Variants in GNAS-AS1 observed in about 807,000 individuals in gnomAD.
GNAS-AS1 encodes GNAS antisense RNA 1, also known as GNAS antisense RNA 1 (non-protein coding).
chr20:58,841,530 C>A lies in GNAS-AS1; in HGVS notation n.819+407G>T. The A allele has an allele frequency of 1.0e-6, 1 of 994,488 alleles. No individual in the cohort carries two copies. Among genetic ancestry groups the A allele is most frequent in the Non-Finnish European group, 1.2e-6 (1 of 836,378 alleles). The allele number at this position is 994,488 out of a possible 1,614,324, so 61.6% of individuals were successfully genotyped here. On this transcript the variant is annotated intron_variant and non_coding_transcript_variant, in intron 4 of 4. Coordinates refer to ENST00000424094, the Ensembl canonical transcript of GNAS-AS1. The surrounding 1 kb of genome is among the most constrained non-coding windows in gnomAD (Gnocchi z 5.0). ...GGGACCTCCGCGCCAGTGCCTCCAG[C>A]TGCCGTGCGCCAGCCTTGGCCGCCA...
At chr20:58,843,012 A>T (rs2085796502) in intron 2 of GNAS-AS1, among the ~76,000 whole-genome samples, 1 of 152,198 alleles carries the variant, frequency 6.6e-6, no homozygotes, top group African/African-American at 2.4e-5. Context: ...ACAGAAGCCC[A>T]ACATAGGGAT....
intron 4 of GNAS-AS1, among the ~76,000 whole-genome samples, chr20:58,830,461 CCACCA>C (rs2085554838): frequency 7.2e-6 from 1 of 139,830 alleles, no homozygotes; most frequent in East Asian, 2.2e-4. Context: ...ACCATCACCA[CCACCA>C]CACCACCATC....
chr20:58,841,989 C>A lies in GNAS-AS1; in HGVS notation n.767G>T. On this transcript the variant is annotated non_coding_transcript_exon_variant, in exon 4 of 5. Transcript: ENST00000424094. The surrounding 1 kb of genome is among the most constrained non-coding windows in gnomAD (Gnocchi z 5.0). The stretch of plus-strand genomic sequence containing the variant: ...GCAGAGCTGGGGAAAGGTGTTGGAT[C>A]CGGCGCCAGTCCTTGGACGATCAGT... 1.0e-6 allele frequency: 1 copy of A among 957,932 alleles called. No homozygotes were observed. The highest frequency in any genetic ancestry group is 1.4e-6 in the Non-Finnish European group (1 of 737,484). The allele number at this position is 957,932 out of a possible 1,614,324, so 59.3% of individuals were successfully genotyped here.
chr20:58,841,383 T>A lies in GNAS-AS1; in HGVS notation n.819+554A>T. ...AGACACCGTTGAAATGTGCGGAAAG[T>A]AATCTGAATGGGAATGGGCGAGAAC... is the stretch of plus-strand genomic sequence containing the variant. On this transcript the variant is annotated intron_variant and non_coding_transcript_variant, in intron 4 of 4. Coordinates refer to ENST00000424094, the Ensembl canonical transcript of GNAS-AS1. This position sits in a 1 kb window ranked among gnomAD's most constrained non-coding sequence, Gnocchi z 5.0. 9.9e-7 allele frequency: 1 copy of A among 1,013,264 alleles called. No individual in the cohort carries two copies. Among genetic ancestry groups the A allele is most frequent in the Non-Finnish European group, 1.2e-6 (1 of 846,754 alleles). The allele number at this position is 1,013,264 out of a possible 1,614,324, so 62.8% of individuals were successfully genotyped here.
At chr20:58,842,282 T>G (rs2085769302) in intron 3 of GNAS-AS1, 1 of 398,086 alleles carries the variant, frequency 2.5e-6, no homozygotes, top group Non-Finnish European at 4.4e-6. Flanking sequence ...AATTGATTTT[T>G]TTTTTCCTGG....
At chr20:58,821,029 C>T (rs2085483132) in intron 4 of GNAS-AS1, among the ~76,000 whole-genome samples, 1 of 152,206 alleles carries the variant, frequency 6.6e-6, no homozygotes, top group Admixed American at 6.5e-5. Context: ...ACAAGAATCC[C>T]ATCTCCTAGT....
Position 58,841,817 on chromosome 20 carries a change from C to T in GNAS-AS1, n.819+120G>A. 1 of 1,230,832 alleles carries T rather than the reference C, an allele frequency of 8.1e-7. No individual in the cohort carries two copies. The highest frequency in any genetic ancestry group is 1.5e-5 in the African/African-American group (1 of 64,546). 76.2% of individuals were successfully genotyped at this position (1,230,832 alleles called of 1,614,324 possible). ...AGGCTGCATGCGGCTTAGCAGGAGA[C>T]GTCCTGGGCTGTTTGCGCAGGACCT... On this transcript the variant is annotated intron_variant and non_coding_transcript_variant, in intron 4 of 4. Transcript: ENST00000424094. The surrounding 1 kb of genome is among the most constrained non-coding windows in gnomAD (Gnocchi z 5.0).
chr20:58,845,466 T>A (rs1487256061), intron 2 of GNAS-AS1, among the ~76,000 whole-genome samples: 4 of 152,204 alleles, frequency 2.6e-5, no homozygotes, highest in African/African-American at 9.7e-5. Flanking sequence ...CTAAGACTTG[T>A]TTGCGCACCG....
chr20:58,839,988 C>G, intron 4 of GNAS-AS1: 1 of 1,129,600 alleles, frequency 8.9e-7, no homozygotes, highest in Non-Finnish European at 1.3e-6. Flanking sequence ...GCTGGGACCT[C>G]CGGGCCAGCT....
chr20:58,840,542 G>A lies in GNAS-AS1; in HGVS notation n.819+1395C>T. The A allele has an allele frequency of 6.2e-7, 1 of 1,613,382 alleles. No individual in the cohort carries two copies. The highest frequency in any genetic ancestry group is 8.5e-7 in the Non-Finnish European group (1 of 1,179,986). On this transcript the variant is annotated intron_variant and non_coding_transcript_variant, in intron 4 of 4. Coordinates refer to ENST00000424094, the Ensembl canonical transcript of GNAS-AS1. The surrounding 1 kb of genome is among the most constrained non-coding windows in gnomAD (Gnocchi z 6.0). ...CGAGACCGAGCCTGAAGACGATCGC[G>A]GCCCGGTGGTGCCCAAGCACTCCAC...
intron 1 of GNAS-AS1, chr20:58,850,440 G>T: frequency 7.5e-6 from 3 of 397,664 alleles, no homozygotes; most frequent in Non-Finnish European, 1.3e-5. Flanking sequence ...TGGTACTTTG[G>T]GGGTGAGCGC....
chr20:58,826,112 T>A (rs1024697900), intron 4 of GNAS-AS1: 4 of 398,538 alleles, frequency 1.0e-5, no homozygotes, highest in Non-Finnish European at 1.8e-5. Flanking sequence ...GTGCTCTCAA[T>A]GGGAGAACTT....
In GNAS-AS1 at chr20:58,841,106, G is replaced by A. The variant is rs2085702543; in HGVS notation, n.819+831C>T. Among the ~76,000 whole-genome samples, 1 of 152,036 alleles carries A rather than the reference G, an allele frequency of 6.6e-6. No homozygotes were observed. Among genetic ancestry groups the A allele is most frequent in the African/African-American group, 2.4e-5 (1 of 41,408 alleles). On this transcript the variant is annotated intron_variant and non_coding_transcript_variant, in intron 4 of 4. Coordinates refer to ENST00000424094, the Ensembl canonical transcript of GNAS-AS1. This position sits in a 1 kb window ranked among gnomAD's most constrained non-coding sequence, Gnocchi z 5.0. Reference sequence around the variant, plus strand: ...TGGCCAAAGGCTTGTTGGACGGCGGGGCGCACGCCGTGCGTCCCGCTGGAG... The same window carrying A: ...TGGCCAAAGGCTTGTTGGACGGCGGAGCGCACGCCGTGCGTCCCGCTGGAG...
intron 4 of GNAS-AS1, among the ~76,000 whole-genome samples, chr20:58,819,432 C>A (rs1003880834): frequency 2.0e-5 from 3 of 152,206 alleles, no homozygotes; most frequent in Admixed American, 6.5e-5. Flanking sequence ...CTTACTTTCA[C>A]GGGCAATCTT....
At chr20:58,821,437 C>G (rs74498962) in intron 4 of GNAS-AS1, among the ~76,000 whole-genome samples, 3 of 152,214 alleles carry the variant, frequency 2.0e-5, no homozygotes, top group Non-Finnish European at 4.4e-5. Flanking sequence ...CCGGACTCCA[C>G]GATTTTCCTG....
At chr20:58,819,047 G>A (rs757344405) in exon 5 of GNAS-AS1, 76 of 398,514 alleles carry the variant, frequency 1.9e-4, no homozygotes, top group Non-Finnish European at 2.7e-4. Flanking sequence ...CCCAGCGGAC[G>A]TCAGAGATCA....
intron 4 of GNAS-AS1, among the ~76,000 whole-genome samples, chr20:58,835,196 T>C (rs894008919): frequency 2.6e-5 from 4 of 151,880 alleles, no homozygotes; most frequent in Non-Finnish European, 5.9e-5. Flanking sequence ...TTCATTTCTG[T>C]CCAAAGGAAA....
intron 2 of GNAS-AS1, among the ~76,000 whole-genome samples, chr20:58,846,474 G>A (rs1319431102): frequency 6.6e-6 from 1 of 152,200 alleles, no homozygotes. Context: ...AATTTCATAG[G>A]TGTGGAGTTT....
At chr20:58,830,316 C>T (rs1483115544) in intron 4 of GNAS-AS1, among the ~76,000 whole-genome samples, 27 of 139,870 alleles carry the variant, frequency 1.9e-4, no homozygotes, top group Non-Finnish European at 3.3e-4. Flanking sequence ...ACCACCACCA[C>T]ACCATCATCA....
Sources: gnomAD v4.1 joint callset for allele counts (sites outside exome capture counted in the v4.1 genomes callset) on GRCh38, gnomAD v4.1.1 for gene constraint, Gnocchi (gnomAD v3.1) non-coding constraint, MANE v1.5 for transcripts, NCBI Gene and HGNC (gene_info 2026-07-23, HGNC 2026-07-21) for gene names.